Variants in RBMS3 observed in about 807,000 individuals in gnomAD.
RBMS3 encodes RNA binding motif single stranded interacting protein 3.
In RBMS3, 27 loss-of-function variants were observed where a neutral mutation model predicts 66.8. The ratio of observed to expected loss-of-function variants is 0.40; its 90% CI spans 0.30 to 0.56. The LOEUF (loss-of-function observed/expected upper bound fraction) is 0.56. RBMS3 is among the 20% of genes least tolerant of loss of function. The probability of loss-of-function intolerance (pLI) is 0.40; values close to 1 mark genes in which losing one functional copy is unlikely to be tolerated. For missense variants in RBMS3, 513 were observed against 549.5 expected, an observed-to-expected ratio of 0.93 and a Z score of 0.66; for synonymous variants, 188 against 183.0, an observed-to-expected ratio of 1.03 and a Z score of -0.22.
chr3:29,705,806 G>A (rs1017578562), intron 4 of RBMS3, among the ~76,000 whole-genome samples: 6 of 152,160 alleles, frequency 3.9e-5, no homozygotes, highest in African/African-American at 1.4e-4. Context: ...TTAGGAATTA[G>A]TATTGGTATT....
At chr3:29,898,874 T>C (rs146321137) in intron 9 of RBMS3, among the ~76,000 whole-genome samples, 1 of 151,496 alleles carries the variant, frequency 6.6e-6, no homozygotes, top group Non-Finnish European at 1.5e-5. Context: ...TGAAGAGTGA[T>C]TTTACTTGGG....
rs975472008 is a variant in RBMS3, at chr3:29,292,686, A to G, written c.75+10930A>G. Among the ~76,000 whole-genome samples, 54 of 151,846 alleles carry G rather than the reference A, an allele frequency of 3.6e-4. 1 individual carries two copies. The highest frequency in any genetic ancestry group is 1.5e-4 in the Non-Finnish European group (10 of 67,898). On this transcript the variant is annotated intron_variant, in intron 1 of 14. Coordinates refer to ENST00000383767, the MANE Select transcript of RBMS3 (RefSeq NM_001003793.3). Reference sequence around the variant, plus strand: ...CAGCCTAGTAAAAAAAGAAAAAAAGATGACAGTTCTACAACCTCAACCGGT... The same window carrying G: ...CAGCCTAGTAAAAAAAGAAAAAAAGGTGACAGTTCTACAACCTCAACCGGT...
At chr3:29,633,690 C>T (rs2049366691) in intron 4 of RBMS3, among the ~76,000 whole-genome samples, 1 of 151,786 alleles carries the variant, frequency 6.6e-6, no homozygotes, top group African/African-American at 2.4e-5. Flanking sequence ...AGGAAGACAT[C>T]TTTGCCTACT....
rs2060063958 is a variant in RBMS3 at position 29,894,000 on chromosome 3, C to T, written c.792-3379C>T. ...CAACAATACTGATATACACTCAACC[C>T]CCTTGGAGCTGACATTCTAGAATGA... On this transcript the variant is annotated intron_variant, in intron 8 of 14. Coordinates refer to ENST00000383767, the MANE Select transcript of RBMS3 (RefSeq NM_001003793.3). Among the ~76,000 whole-genome samples, 4 of 151,518 alleles carry T rather than the reference C, an allele frequency of 2.6e-5. No homozygotes were observed. The South Asian group carries it at 8.3e-4, about 31-fold the overall frequency.
intron 2 of RBMS3, among the ~76,000 whole-genome samples, chr3:29,455,432 C>A (rs899676018): frequency 6.6e-6 from 1 of 151,964 alleles, no homozygotes; most frequent in Non-Finnish European, 1.5e-5. Context: ...ATGAAGTCAC[C>A]GCAAACACTG....
At chr3:29,330,467 C>A (rs1356136571) in intron 1 of RBMS3, among the ~76,000 whole-genome samples, 2 of 152,000 alleles carry the variant, frequency 1.3e-5, no homozygotes, top group Admixed American at 6.6e-5. Context: ...TGGAAGAGCC[C>A]TACAGTGAAA....
intron 2 of RBMS3, among the ~76,000 whole-genome samples, chr3:29,478,828 C>T (rs555218808): frequency 6.6e-6 from 1 of 152,298 alleles, no homozygotes; most frequent in South Asian, 2.1e-4. Flanking sequence ...ATTGTGAAGC[C>T]ATAAGCTGCT....
chr3:29,508,213 T>A (rs1485285682), intron 3 of RBMS3, among the ~76,000 whole-genome samples: 1 of 152,172 alleles, frequency 6.6e-6, no homozygotes, highest in Non-Finnish European at 1.5e-5. Flanking sequence ...TCTTTTTTAA[T>A]TATTATACTT....
intron 5 of RBMS3, among the ~76,000 whole-genome samples, chr3:29,743,944 G>A (rs1313949836): frequency 7.9e-6 from 1 of 126,026 alleles, no homozygotes; most frequent in Non-Finnish European, 1.6e-5. Flanking sequence ...CCCTTCCTGT[G>A]TCCATGTGTT....
intron 3 of RBMS3, among the ~76,000 whole-genome samples, chr3:29,517,365 C>T (rs2044683945): frequency 6.7e-6 from 1 of 150,060 alleles, no homozygotes; most frequent in South Asian, 2.1e-4. Context: ...CTCTGTTGCC[C>T]AGGCTGGAGT....
rs543867495 is a variant in RBMS3, at chr3:30,008,038, G to A, written c.*4176G>A. ...GGACCCCTTGCAAAGTGCTTTAAAA[G>A]TACTTTCAATTTATGCATGACTCCA... On this transcript the variant is annotated 3_prime_UTR_variant, in exon 15 of 15. Transcript: ENST00000383767. The A allele has an allele frequency of 2.4e-4, 36 of 151,878 alleles. 1 individual carries two copies. Among genetic ancestry groups the A allele is most frequent in the African/African-American group, 8.4e-4 (35 of 41,460 alleles). The allele number at this position is 151,878 out of a possible 1,614,324, so 9.4% of individuals were successfully genotyped here.
At chr3:29,357,778 T>C (rs2037315184) in intron 1 of RBMS3, among the ~76,000 whole-genome samples, 1 of 152,214 alleles carries the variant, frequency 6.6e-6, no homozygotes, top group Admixed American at 6.5e-5. Context: ...GTGGTTTTGA[T>C]TTGCATTTCT....
At position 30,006,246 on chromosome 3, in the gene RBMS3, T is replaced by A. The variant is rs909825188; in HGVS notation, c.*2384T>A. The A allele has an allele frequency of 1.3e-5, 2 of 151,900 alleles. No homozygotes were observed. Among genetic ancestry groups the A allele is most frequent in the Admixed American group, 1.3e-4 (2 of 15,224 alleles). The allele number at this position is 151,900 out of a possible 1,614,324, so 9.4% of individuals were successfully genotyped here. A position where few individuals can be genotyped will look rare whatever the true frequency, so the allele number is the denominator to read the frequency against. ...AAAAAGTTTTAAAGGTAAATCATAT[T>A]CCCATTAGGTCAACATGAGTAATAA... On this transcript the variant is annotated 3_prime_UTR_variant, in exon 15 of 15. Transcript: ENST00000383767.
chr3:29,626,490 A>G (rs1383004095), intron 4 of RBMS3, among the ~76,000 whole-genome samples: 1 of 152,202 alleles, frequency 6.6e-6, no homozygotes, highest in East Asian at 1.9e-4. Flanking sequence ...GTGAGTGGCA[A>G]AGTGGCAATG....
intron 13 of RBMS3, among the ~76,000 whole-genome samples, chr3:29,990,531 G>T (rs1462162419): frequency 2.0e-5 from 3 of 147,946 alleles, no homozygotes; most frequent in African/African-American, 4.9e-5. Flanking sequence ...TTTTGTTGTT[G>T]TTTTCTTAAA....
chr3:29,686,479 GT>G (rs1231338199), intron 4 of RBMS3, among the ~76,000 whole-genome samples: 1 of 152,098 alleles, frequency 6.6e-6, no homozygotes, highest in African/African-American at 2.4e-5. Context: ...GAGGCCAGGA[GT>G]TTAAGACCAG....
chr3:29,589,467 G>A (rs2047648928), intron 4 of RBMS3, among the ~76,000 whole-genome samples: 2 of 152,022 alleles, frequency 1.3e-5, no homozygotes, highest in South Asian at 4.1e-4. Flanking sequence ...TATTAATTCT[G>A]CTGCCTGTGA....
chr3:29,880,842 C>G (rs13324314), intron 7 of RBMS3: 3 of 1,530,512 alleles, frequency 2.0e-6, no homozygotes. Flanking sequence ...TATTCATTCC[C>G]GACCCTTTTG....
chr3:29,770,299 T>A (rs76266973), intron 6 of RBMS3, among the ~76,000 whole-genome samples: 3,201 of 152,166 alleles, frequency 0.021, 97 homozygotes, highest in African/African-American at 0.071. Context: ...TGGCATAATA[T>A]TGTTGCTCAT....
Sources: allele counts gnomAD v4.1 joint callset (sites outside exome capture counted in the v4.1 genomes callset), GRCh38; gene constraint gnomAD v4.1.1; transcripts MANE v1.5; gene names NCBI Gene and HGNC (gene_info 2026-07-23, HGNC 2026-07-21).